The following NSMAF variants were observed in gnomAD, a reference collection of about 807,000 sequenced individuals.
NSMAF encodes neutral sphingomyelinase activation associated factor.
In NSMAF, 90 loss-of-function variants were observed where a neutral mutation model predicts 134.9. The ratio of observed to expected loss-of-function variants is 0.67; its 90% CI spans 0.56 to 0.79. The LOEUF (loss-of-function observed/expected upper bound fraction) is 0.79, where lower values mean the gene tolerates loss of function less well. NSMAF is among the 30% of genes least tolerant of loss of function. The probability of loss-of-function intolerance (pLI) is 0.00; values close to 1 mark genes in which losing one functional copy is unlikely to be tolerated. For missense variants in NSMAF, 1,010 were observed against 1,119.0 expected (o/e 0.90, Z 1.39); for synonymous variants, 358 against 389.6 (o/e 0.92, Z 0.96).
rs76433721 is a variant in NSMAF at position 58,583,817 on chromosome 8, A to C, written c.*289T>G. On this transcript the variant is annotated 3_prime_UTR_variant, in exon 31 of 31. Transcript: ENST00000038176. ...CCCCAGCCCAATTTATCTCTTAGCT[A>C]TTCTCTGCTACTTAGTCCTGTCTTC... 5.3e-3 allele frequency: 1,870 copies of C among 352,650 alleles called. 46 individuals are homozygous for C. The highest frequency in any genetic ancestry group is 0.038 in the African/African-American group (1,763 of 45,990). 21.8% of individuals were successfully genotyped at this position (352,650 alleles called of 1,614,324 possible).
chr8:58,652,483 G>C (rs1807607957), intron 1 of NSMAF, among the ~76,000 whole-genome samples: 1 of 152,180 alleles, frequency 6.6e-6, no homozygotes, highest in Non-Finnish European at 1.5e-5. Context: ...CCAGCAAGGA[G>C]GTAAGGATAT....
At chr8:58,609,329 T>C (rs1413460492) in intron 10 of NSMAF, among the ~76,000 whole-genome samples, 1 of 152,194 alleles carries the variant, frequency 6.6e-6, no homozygotes, top group African/African-American at 2.4e-5. Flanking sequence ...AGCGACCCTT[T>C]ACTAAAATAG....
intron 16 of NSMAF, among the ~76,000 whole-genome samples, chr8:58,600,544 AC>A (rs1335586721): frequency 7.0e-6 from 1 of 142,606 alleles, no homozygotes. Flanking sequence ...AATCGCTTGA[AC>A]CCGAGGCGGA....
At chr8:58,642,895 G>A in intron 2 of NSMAF, 89 bp downstream of exon 2, 1 of 943,496 alleles carries the variant, frequency 1.1e-6, no homozygotes, top group East Asian at 2.4e-5. Context: ...TTTTTCTTTA[G>A]TTAACACCTA....
chr8:58,605,809 G>A (rs1806391937), intron 12 of NSMAF, 118 bp downstream of exon 12: 6 of 1,101,884 alleles, frequency 5.4e-6, no homozygotes, highest in Non-Finnish European at 7.1e-6. Flanking sequence ...GAACCCAGGA[G>A]GCGGAGGTTG....
At chr8:58,620,091 C>T (rs897736582) in intron 9 of NSMAF, among the ~76,000 whole-genome samples, 1 of 152,076 alleles carries the variant, frequency 6.6e-6, no homozygotes, top group African/African-American at 2.4e-5. Context: ...GTCATCTTTG[C>T]ACAAAATGTA....
At chr8:58,627,976 C>T (rs1476977333) in intron 6 of NSMAF, among the ~76,000 whole-genome samples, 1 of 152,178 alleles carries the variant, frequency 6.6e-6, no homozygotes, top group African/African-American at 2.4e-5. Context: ...CATTATTCAA[C>T]TTCAAAATAT....
rs536518861 is a variant in NSMAF at position 58,659,752 on chromosome 8, G to A, written c.-121C>T. The A allele has an allele frequency of 3.6e-5, 27 of 758,152 alleles. No individual in the cohort carries two copies. The highest frequency in any genetic ancestry group is 4.3e-5 in the Non-Finnish European group (24 of 563,024). The allele number at this position is 758,152 out of a possible 1,614,324, so 47.0% of individuals were successfully genotyped here. A position where few individuals can be genotyped will look rare whatever the true frequency, so the allele number is the denominator to read the frequency against. On this transcript the variant is annotated 5_prime_UTR_variant, in exon 1 of 31. Coordinates refer to ENST00000038176, the MANE Select transcript of NSMAF (RefSeq NM_003580.4). ...CCGGCTGGGGAGCGCGCGGCTGCCGGCCTGGCTTCCCCTGCGGCGCCGCTG... is the reference window on the plus strand; with the variant it reads ...CCGGCTGGGGAGCGCGCGGCTGCCGACCTGGCTTCCCCTGCGGCGCCGCTG...
intron 26 of NSMAF, 117 bp downstream of exon 26, chr8:58,589,335 C>G: frequency 1.5e-6 from 1 of 665,100 alleles, no homozygotes; most frequent in Non-Finnish European, 2.2e-6. Context: ...TGACTGAACA[C>G]ATTAGCAATA....
chr8:58,604,379 C>A (rs76751509), intron 12 of NSMAF, among the ~76,000 whole-genome samples: 6,996 of 151,632 alleles, frequency 0.046, 418 homozygotes, highest in East Asian at 0.2. Context: ...TTATTGTAAT[C>A]TTGTTATAGT....
chr8:58,641,886 T>G (rs1296231480), intron 2 of NSMAF, among the ~76,000 whole-genome samples: 1 of 152,210 alleles, frequency 6.6e-6, no homozygotes, highest in East Asian at 1.9e-4. Flanking sequence ...CAGGTTTCAG[T>G]TTGCTACCTG....
At chr8:58,587,810 C>A in intron 26 of NSMAF, 109 bp from the exon 27 acceptor site, 1 of 904,782 alleles carries the variant, frequency 1.1e-6, no homozygotes, top group Non-Finnish European at 1.7e-6. Flanking sequence ...ACAGACTTGC[C>A]AATAAAGTTA....
At chr8:58,605,827 C>G in intron 12 of NSMAF, 100 bp downstream of exon 12, 1 of 1,263,242 alleles carries the variant, frequency 7.9e-7, no homozygotes, top group East Asian at 3.4e-5. Flanking sequence ...TTGCAGTGAG[C>G]CGAGATCACG....
At chr8:58,643,690 C>A (rs527590202) in intron 1 of NSMAF, among the ~76,000 whole-genome samples, 3 of 152,202 alleles carry the variant, frequency 2.0e-5, no homozygotes, top group East Asian at 3.9e-4. Context: ...CACCACCATG[C>A]CTGGCTAATT....
chr8:58,659,198 C>T (rs1167235943), intron 1 of NSMAF: 3 of 1,450,366 alleles, frequency 2.1e-6, no homozygotes, highest in Non-Finnish European at 1.8e-6. Context: ...TACTCACCCT[C>T]CCCTGCGAAC....
At chr8:58,592,905 A>C (rs1007822617) in intron 23 of NSMAF, among the ~76,000 whole-genome samples, 4 of 118,794 alleles carry the variant, frequency 3.4e-5, no homozygotes, top group Non-Finnish European at 5.0e-5. Context: ...ACAAAAACAA[A>C]AACAACAACA....
At position 58,630,317 on chromosome 8, in the gene NSMAF, C is replaced by CT. The variant is rs113530938; in HGVS notation, c.384+1178dup. Among the ~76,000 whole-genome samples, 169 of 145,224 alleles carry CT rather than the reference C, an allele frequency of 1.2e-3. 1 individual carries two copies. The highest frequency in any genetic ancestry group is 2.0e-3 in the South Asian group (9 of 4,570). ...CTTGCTGCTGTCATTCCACCTCACCCTTTTTTTTTTTTTAATCTGAGAATG... is the reference window on the plus strand; with the variant it reads ...CTTGCTGCTGTCATTCCACCTCACCCTTTTTTTTTTTTTTAATCTGAGAATG... On this transcript the variant is annotated intron_variant, in intron 6 of 30. Transcript: ENST00000038176.
intron 25 of NSMAF, 110 bp from the exon 26 acceptor site, chr8:58,589,685 C>T (rs779738526): frequency 9.6e-7 from 1 of 1,041,082 alleles, no homozygotes; most frequent in East Asian, 2.9e-5. Context: ...CTAAGGCTCA[C>T]TAGAATTACA....
chr8:58,600,645 A>AAAAAAAT (rs1806259478), intron 16 of NSMAF, among the ~76,000 whole-genome samples: 1 of 150,914 alleles, frequency 6.6e-6, no homozygotes, highest in Non-Finnish European at 1.5e-5. Context: ...AAAAAAAAAA[A>AAAAAAAT]AGATTAGCAC....
Sources: gnomAD v4.1 joint callset for allele counts (sites outside exome capture counted in the v4.1 genomes callset) on GRCh38, gnomAD v4.1.1 for gene constraint, MANE v1.5 for transcripts, NCBI Gene and HGNC (gene_info 2026-07-23, HGNC 2026-07-21) for gene names.